The following GRIA4 variants were observed in gnomAD, a reference collection of about 807,000 sequenced individuals.
The protein encoded by GRIA4 is glutamate receptor 4.
In GRIA4, 34 loss-of-function variants were observed where a neutral mutation model predicts 104.0. The ratio of observed to expected loss-of-function variants is 0.33; its 90% CI spans 0.25 to 0.44. GRIA4 has a LOEUF of 0.44. Ranked by LOEUF, GRIA4 falls within the 20% of genes least tolerant of loss-of-function variation. GRIA4 has a pLI of 1.00. For missense variants in GRIA4, 750 were observed against 1,096.5 expected (o/e 0.68, Z 4.46); for synonymous variants, 386 against 381.9 (o/e 1.01, Z -0.13).
intron 3 of GRIA4, among the ~76,000 whole-genome samples, chr11:105,649,771 A>T (rs1176921001): frequency 6.6e-6 from 1 of 152,064 alleles, no homozygotes; most frequent in African/African-American, 2.4e-5. Context: ...AATGTTTATA[A>T]CCTTTGATCT....
At chr11:105,870,504 C>A in intron 5 of GRIA4, among the ~76,000 whole-genome samples, 1 of 149,462 alleles carries the variant, frequency 6.7e-6, no homozygotes, top group African/African-American at 2.5e-5. Context: ...CAAAGAAAAA[C>A]AGAAGAACAC....
chr11:105,673,645 C>T (rs529527444), intron 3 of GRIA4, among the ~76,000 whole-genome samples: 1 of 152,116 alleles, frequency 6.6e-6, no homozygotes, highest in South Asian at 2.1e-4. Flanking sequence ...TGAATTATGA[C>T]AAGGTGGCAG....
At chr11:105,656,700 G>A (rs1479755545) in intron 3 of GRIA4, among the ~76,000 whole-genome samples, 6 of 152,004 alleles carry the variant, frequency 3.9e-5, no homozygotes, top group South Asian at 4.1e-4. Flanking sequence ...CATAGTATTC[G>A]TAGTGAATGT....
chr11:105,966,745 C>T (rs536241459), intron 14 of GRIA4, among the ~76,000 whole-genome samples: 9 of 152,168 alleles, frequency 5.9e-5, no homozygotes, highest in African/African-American at 2.2e-4. Flanking sequence ...AAAAAGTAGG[C>T]AATTAACAGA....
At chr11:105,956,565 C>T (rs1948596182) in intron 14 of GRIA4, among the ~76,000 whole-genome samples, 1 of 152,162 alleles carries the variant, frequency 6.6e-6, no homozygotes, top group African/African-American at 2.4e-5. Context: ...CCACAATAAA[C>T]ATACATGTGC....
intron 3 of GRIA4, among the ~76,000 whole-genome samples, chr11:105,688,156 C>CTATATCTATATCTATATCTATA (rs373564678): frequency 4.1e-5 from 3 of 72,744 alleles, no homozygotes; most frequent in East Asian, 3.9e-4. Context: ...ATATCTATAT[C>CTATATCTATATCTATATCTATA]TCTATCTATC....
Position 105,852,624 on chromosome 11 carries a change from A to G in GRIA4, c.488-9400A>G, listed in dbSNP as rs545932075. 1.5e-4 allele frequency among the ~76,000 whole-genome samples: 23 copies of G among 152,262 alleles called. No homozygotes were observed. In the East Asian group the frequency reaches 3.5e-3, roughly 23 times the overall value. ...ATCACCTCAGTGTCATTTCTCCACT[A>G]AAGAAATTTAATAGTGAGCAATCAA... On this transcript the variant is annotated intron_variant, in intron 4 of 16. Coordinates refer to ENST00000282499, the MANE Select transcript of GRIA4 (RefSeq NM_000829.4).
At chr11:105,719,954 A>G (rs1382694185) in intron 3 of GRIA4, among the ~76,000 whole-genome samples, 1 of 151,980 alleles carries the variant, frequency 6.6e-6, no homozygotes, top group East Asian at 1.9e-4. Flanking sequence ...CACTCAGCCT[A>G]TTTCATCATA....
chr11:105,671,575 G>A (rs1300440556), intron 3 of GRIA4, among the ~76,000 whole-genome samples: 2 of 147,456 alleles, frequency 1.4e-5, no homozygotes, highest in Non-Finnish European at 3.0e-5. Context: ...CTACTTGGGA[G>A]GCTGAGGCAG....
Position 105,919,843 on chromosome 11 carries a change from T to G in GRIA4, c.1476+925T>G, listed in dbSNP as rs116547146. Among the ~76,000 whole-genome samples the G allele has an allele frequency of 1.3e-3, 196 of 152,260 alleles. 3 individuals carry two copies. Among genetic ancestry groups the G allele is most frequent in the African/African-American group, 4.1e-3 (171 of 41,582 alleles). On this transcript the variant is annotated intron_variant, in intron 11 of 16. Coordinates refer to ENST00000282499, the MANE Select transcript of GRIA4 (RefSeq NM_000829.4). ...ATGAAATTTCCTAAAAGCCAACTTATATTTCACCTTCAAAATGTAGTCTGA... is the reference window on the plus strand; with the variant it reads ...ATGAAATTTCCTAAAAGCCAACTTAGATTTCACCTTCAAAATGTAGTCTGA...
intron 3 of GRIA4, among the ~76,000 whole-genome samples, chr11:105,669,944 T>C (rs560952661): frequency 6.7e-4 from 102 of 152,220 alleles, no homozygotes; most frequent in African/African-American, 2.3e-3. Flanking sequence ...TAGGCTTCTA[T>C]ACCCAGTGAG....
intron 4 of GRIA4, among the ~76,000 whole-genome samples, chr11:105,830,031 G>A (rs567790638): frequency 6.6e-6 from 1 of 151,976 alleles, no homozygotes; most frequent in Non-Finnish European, 1.5e-5. Context: ...TGAAAGGACT[G>A]AAAGGACATT....
intron 4 of GRIA4, among the ~76,000 whole-genome samples, chr11:105,837,871 G>A (rs1347918577): frequency 6.6e-6 from 1 of 152,022 alleles, no homozygotes; most frequent in Non-Finnish European, 1.5e-5. Context: ...GCTAGGTGAG[G>A]AAACATGACA....
chr11:105,819,422 C>T (rs1484924382), intron 4 of GRIA4, among the ~76,000 whole-genome samples: 3 of 152,166 alleles, frequency 2.0e-5, no homozygotes, highest in African/African-American at 7.2e-5. Flanking sequence ...CAGCACATAA[C>T]ATGCACTCAA....
At chr11:105,639,930 G>A (rs1004604770) in intron 3 of GRIA4, among the ~76,000 whole-genome samples, 3 of 151,892 alleles carry the variant, frequency 2.0e-5, no homozygotes, top group African/African-American at 7.2e-5. Context: ...ATATGAAAAT[G>A]ACAATGAATA....
chr11:105,610,870 CTTTTTTTTTTT>C (rs55973528), intron 1 of GRIA4, 27 bp from the exon 2 acceptor site: 17 of 357,380 alleles, frequency 4.8e-5, no homozygotes, highest in African/African-American at 2.9e-4. Context: ...TCTTTCTTTT[CTTTTTTTTTTT>C]TTTTTTTTGG....
chr11:105,756,856 G>C (rs975295195), intron 4 of GRIA4, among the ~76,000 whole-genome samples: 1 of 152,068 alleles, frequency 6.6e-6, no homozygotes, highest in Non-Finnish European at 1.5e-5. Flanking sequence ...CAGACTGACA[G>C]TCAATATTTA....
chr11:105,845,473 T>C (rs983020740), intron 4 of GRIA4, among the ~76,000 whole-genome samples: 2 of 152,138 alleles, frequency 1.3e-5, no homozygotes, highest in Admixed American at 6.5e-5. Context: ...GCATCAATGT[T>C]ACATGGTAAG....
At chr11:105,767,374 CAGTT>C (rs1293780925) in intron 4 of GRIA4, among the ~76,000 whole-genome samples, 24 of 152,048 alleles carry the variant, frequency 1.6e-4, no homozygotes, top group African/African-American at 5.6e-4. Flanking sequence ...TAGCATTTAA[CAGTT>C]AGTAACCATA....
Sources: allele counts gnomAD v4.1 joint callset (sites outside exome capture counted in the v4.1 genomes callset), GRCh38; gene constraint gnomAD v4.1.1; transcripts MANE v1.5; gene names NCBI Gene and HGNC (gene_info 2026-07-23, HGNC 2026-07-21).